The following SLC25A51 variants were observed in gnomAD, a reference collection of about 807,000 sequenced individuals.
SLC25A51 encodes the protein mitochondrial nicotinamide adenine dinucleotide transporter SLC25A51.
A neutral mutation model predicts 19.1 loss-of-function variants in SLC25A51; 11 were observed. That is an observed-to-expected ratio of 0.58 (90% CI 0.36 to 0.96). The LOEUF is 0.96. Ranked by LOEUF, SLC25A51 falls within the 40% of genes least tolerant of loss-of-function variation. The pLI is 0.01. For missense variants in SLC25A51, 201 were observed against 365.4 expected (o/e 0.55, Z 3.67); for synonymous variants, 105 against 133.6 (o/e 0.79, Z 1.47).
At chr9:37,898,187 G>A (rs1322702973) in intron 2 of SLC25A51, among the ~76,000 whole-genome samples, 2 of 152,254 alleles carry the variant, frequency 1.3e-5, no homozygotes, top group African/African-American at 4.8e-5. Flanking sequence ...GAAGCAGGCA[G>A]ATCACTTGAG....
chr9:37,893,858 C>T (rs952600717), intron 2 of SLC25A51, among the ~76,000 whole-genome samples: 1 of 152,144 alleles, frequency 6.6e-6, no homozygotes, highest in Non-Finnish European at 1.5e-5. Context: ...GCCTCTCCTC[C>T]AGGCTCACTG....
Position 37,896,326 on chromosome 9 carries a change from T to C in SLC25A51, c.-43+3503A>G, listed in dbSNP as rs1021169878. Among the ~76,000 whole-genome samples, 8 of 152,122 alleles carry C rather than the reference T, an allele frequency of 5.3e-5. No homozygotes were observed. In the South Asian group the frequency reaches 1.0e-3, roughly 20 times the overall value. Reference sequence around the variant, plus strand: ...TCTAGTACTAACCTGTTTTAACCTATTGCAGCATCAAAATATAGTTCATCA... The same window carrying C: ...TCTAGTACTAACCTGTTTTAACCTACTGCAGCATCAAAATATAGTTCATCA... On this transcript the variant is annotated intron_variant, in intron 2 of 2. Transcript: ENST00000242275.
downstream of SLC25A51, chr9:37,885,774 T>C: frequency 1.9e-6 from 3 of 1,577,052 alleles, no homozygotes; most frequent in Admixed American, 1.7e-5. Flanking sequence ...AGGCAACATT[T>C]TCATGTTTAG....
chr9:37,882,740 T>C (rs1478018512), downstream of SLC25A51, among the ~76,000 whole-genome samples: 2 of 152,216 alleles, frequency 1.3e-5, no homozygotes, highest in South Asian at 2.1e-4. Context: ...ACATGAAGTA[T>C]AGGACACAAG....
At chr9:37,896,535 C>T (rs1488755770) in intron 2 of SLC25A51, among the ~76,000 whole-genome samples, 1 of 152,160 alleles carries the variant, frequency 6.6e-6, no homozygotes, top group African/African-American at 2.4e-5. Flanking sequence ...GTGGCTCACG[C>T]CGGTAGTCCC....
chr9:37,900,251 C>A (rs750802158), intron 1 of SLC25A51, among the ~76,000 whole-genome samples: 2 of 151,886 alleles, frequency 1.3e-5, no homozygotes, highest in Middle Eastern at 3.4e-3. Context: ...GAAATCGAGA[C>A]CATCCTGGCT....
chr9:37,877,689 G>A (rs1203752924), downstream of SLC25A51, among the ~76,000 whole-genome samples: 1 of 151,288 alleles, frequency 6.6e-6, no homozygotes, highest in Non-Finnish European at 1.5e-5. Flanking sequence ...GTGAGCCACT[G>A]TGCCCTGCCA....
At chr9:37,887,245 A>G (rs1263563201), downstream of SLC25A51, among the ~76,000 whole-genome samples, 1 of 150,962 alleles carries the variant, frequency 6.6e-6, no homozygotes, top group Admixed American at 6.6e-5. Context: ...TGAACCCTGG[A>G]GGCGGAGGTT....
At chr9:37,903,284 G>A (rs1007261768) in intron 1 of SLC25A51, among the ~76,000 whole-genome samples, 5 of 152,178 alleles carry the variant, frequency 3.3e-5, no homozygotes, top group African/African-American at 1.2e-4. Flanking sequence ...GAGATTACAA[G>A]TAGAGAAAAA....
downstream of SLC25A51, chr9:37,886,374 G>C: frequency 6.2e-7 from 1 of 1,604,510 alleles, no homozygotes; most frequent in Non-Finnish European, 8.5e-7. Context: ...GATGGGGAAA[G>C]CAAGAAGGAT....
At chr9:37,891,130 C>T (rs1831574054) in intron 2 of SLC25A51, among the ~76,000 whole-genome samples, 1 of 152,242 alleles carries the variant, frequency 6.6e-6, no homozygotes, top group Non-Finnish European at 1.5e-5. Flanking sequence ...AACACACACA[C>T]AACCATAATT....
intron 1 of SLC25A51, among the ~76,000 whole-genome samples, chr9:37,900,257 T>C (rs568614032): frequency 1.1e-3 from 160 of 152,070 alleles, no homozygotes; most frequent in African/African-American, 3.4e-3. Flanking sequence ...GAGACCATCC[T>C]GGCTAACACG....
downstream of SLC25A51, among the ~76,000 whole-genome samples, chr9:37,883,179 C>T (rs532531134): frequency 1.2e-4 from 18 of 152,322 alleles, no homozygotes; most frequent in East Asian, 1.7e-3. Context: ...CTAGTTCACA[C>T]TGAAGGTAAA....
chr9:37,884,819 T>G (rs903441517), downstream of SLC25A51, among the ~76,000 whole-genome samples: 5 of 152,180 alleles, frequency 3.3e-5, no homozygotes, highest in Non-Finnish European at 7.3e-5. Context: ...CCTTCATCTT[T>G]TGGCAATGAA....
intron 2 of SLC25A51, among the ~76,000 whole-genome samples, 187 bp from the exon 3 acceptor site, chr9:37,888,779 T>C (rs767242918): frequency 1.3e-5 from 2 of 152,202 alleles, no homozygotes; most frequent in Non-Finnish European, 2.9e-5. Flanking sequence ...CCAGGAGATT[T>C]TCCTTTTTCA....
chr9:37,893,790 C>T (rs1355889172), intron 2 of SLC25A51, among the ~76,000 whole-genome samples: 4 of 151,984 alleles, frequency 2.6e-5, no homozygotes, highest in Non-Finnish European at 4.4e-5. Context: ...ACAGAAGAAA[C>T]GTGTATAACC....
At chr9:37,886,155 C>A (rs1831451767), downstream of SLC25A51, 1 of 1,444,484 alleles carries the variant, frequency 6.9e-7, no homozygotes, top group Non-Finnish European at 9.8e-7. Flanking sequence ...CAACTCCCTA[C>A]CCTGATCCTG....
chr9:37,901,229 G>A (rs1371714172), intron 1 of SLC25A51, among the ~76,000 whole-genome samples: 2 of 152,092 alleles, frequency 1.3e-5, no homozygotes, highest in African/African-American at 4.8e-5. Context: ...GAGTGCAGTG[G>A]CGCAATCTTG....
At chr9:37,889,682 T>TA (rs2118325149) in intron 2 of SLC25A51, among the ~76,000 whole-genome samples, 1 of 150,794 alleles carries the variant, frequency 6.6e-6, no homozygotes, top group Admixed American at 6.7e-5. Context: ...CCTGCTACCA[T>TA]ATCACAGATG....
Sources: allele counts gnomAD v4.1 joint callset (sites outside exome capture counted in the v4.1 genomes callset), GRCh38; gene constraint gnomAD v4.1.1; transcripts MANE v1.5; gene names NCBI Gene and HGNC (gene_info 2026-07-23, HGNC 2026-07-21).